The following TMEM131 variants were observed in gnomAD, a reference collection of about 807,000 sequenced individuals.
TMEM131 encodes the protein 2610524E03Rik.
TMEM131 carries 66 observed loss-of-function variants against 211.6 expected under a neutral mutation model. That is an observed-to-expected ratio of 0.31 (90% CI 0.26 to 0.38). TMEM131 has a LOEUF of 0.38. Ranked by LOEUF, TMEM131 falls within the 10% of genes least tolerant of loss-of-function variation. The probability of loss-of-function intolerance (pLI) is 1.00; values close to 1 mark genes in which losing one functional copy is unlikely to be tolerated. For missense variants in TMEM131, 2,036 were observed against 2,299.3 expected (o/e 0.89, Z 2.34); for synonymous variants, 844 against 841.3 (o/e 1.00, Z -0.06).
At chr2:97,888,159 C>A in intron 3 of TMEM131, 39 bp from the exon 4 acceptor site, 1 of 1,545,856 alleles carries the variant, frequency 6.5e-7, no homozygotes, top group South Asian at 1.2e-5. Context: ...AGCAATTCTT[C>A]AAAATATATG....
At chr2:97,886,750 C>A (rs13008503) in intron 4 of TMEM131, among the ~76,000 whole-genome samples, 3 of 152,032 alleles carry the variant, frequency 2.0e-5, no homozygotes, top group Admixed American at 6.6e-5. Context: ...AGCACAAGCA[C>A]GTGTTTAGTT....
In TMEM131 at chr2:97,895,154, T is replaced by C. The variant is rs375604357; in HGVS notation, c.291-7034A>G. Among the ~76,000 whole-genome samples the C allele has an allele frequency of 3.3e-4, 51 of 152,310 alleles. 1 individual carries two copies. The East Asian group carries it at 6.7e-3, about 20-fold the overall frequency. On this transcript the variant is annotated intron_variant, in intron 3 of 40. Transcript: ENST00000186436. The stretch of plus-strand genomic sequence containing the variant: ...CATGTGGTTTTTGTCGTTGGTTCTG[T>C]TTATGTGATGGATTACGTTTATTGA...
At chr2:97,885,777 T>C (rs1044419483) in intron 4 of TMEM131, among the ~76,000 whole-genome samples, 1 of 152,220 alleles carries the variant, frequency 6.6e-6, no homozygotes, top group Non-Finnish European at 1.5e-5. Flanking sequence ...CTGACTCTAA[T>C]TGGAATTCTT....
intron 35 of TMEM131, chr2:97,763,353 C>G (rs1678966710): frequency 6.5e-6 from 1 of 152,958 alleles, no homozygotes; most frequent in South Asian, 2.1e-4. Flanking sequence ...ATCCTCAGGG[C>G]TGCCTGCTAC....
intron 2 of TMEM131, among the ~76,000 whole-genome samples, chr2:97,921,398 C>A (rs1676734125): frequency 6.6e-6 from 1 of 152,104 alleles, no homozygotes; most frequent in South Asian, 2.1e-4. Context: ...CAGTAAAATT[C>A]TAGAATACGG....
chr2:97,858,771 A>G (rs1673947567), intron 5 of TMEM131, among the ~76,000 whole-genome samples: 1 of 152,232 alleles, frequency 6.6e-6, no homozygotes, highest in African/African-American at 2.4e-5. Context: ...CAGCAGCGAA[A>G]CAAGGGTTTC....
intron 5 of TMEM131, among the ~76,000 whole-genome samples, chr2:97,850,661 G>C (rs1396244886): frequency 6.6e-6 from 1 of 151,236 alleles, no homozygotes; most frequent in Non-Finnish European, 1.5e-5. Context: ...AAAGTTGAAA[G>C]AAAAAAAACA....
Position 97,757,275 on chromosome 2 carries a change from G to A in TMEM131, c.5476C>T (p.Leu1826=), listed in dbSNP as rs772028723. The A allele has an allele frequency of 4.3e-6, 7 of 1,613,958 alleles. No homozygotes were observed. The East Asian group carries it at 1.6e-4, about 36-fold the overall frequency. Reference sequence around the variant, plus strand: ...GTGCCCATGAGGCCGATGCTTGCCAGCGTGTTTGCTGGAGTGGTGAAGGGA... The same window carrying A: ...GTGCCCATGAGGCCGATGCTTGCCAACGTGTTTGCTGGAGTGGTGAAGGGA... The part of the protein sequence containing the change: ...ALPFTTPANT[L]ASIGLMGTEN... The change falls in exon 41 of 41, where the codon CTG becomes TTG. Residue 1826 remains leucine (L), a synonymous_variant. Coordinates refer to ENST00000186436, the MANE Select transcript of TMEM131 (RefSeq NM_015348.2).
intron 8 of TMEM131, 99 bp from the exon 9 acceptor site, chr2:97,835,024 T>A: frequency 1.6e-6 from 2 of 1,212,984 alleles, no homozygotes; most frequent in Non-Finnish European, 2.3e-6. Context: ...AGATGAGTAT[T>A]CTATATACCT....
intron 31 of TMEM131, among the ~76,000 whole-genome samples, chr2:97,789,360 G>A (rs1463743371): frequency 1.3e-5 from 2 of 152,212 alleles, no homozygotes; most frequent in African/African-American, 4.8e-5. Flanking sequence ...TGCTTCTGCT[G>A]GGATGCTCCA....
intron 1 of TMEM131, among the ~76,000 whole-genome samples, chr2:97,969,142 C>T (rs1015534263): frequency 2.0e-4 from 31 of 151,570 alleles, no homozygotes; most frequent in African/African-American, 6.3e-4. Flanking sequence ...ATTCAGCTGA[C>T]AAACTAACTC....
chr2:97,808,290 G>A (rs1681402098), intron 19 of TMEM131, among the ~76,000 whole-genome samples: 2 of 152,298 alleles, frequency 1.3e-5, no homozygotes, highest in South Asian at 2.1e-4. Context: ...GGTTAGGGAT[G>A]CTCAACTTGC....
At chr2:97,955,656 A>G (rs1418687291) in intron 1 of TMEM131, among the ~76,000 whole-genome samples, 1 of 152,196 alleles carries the variant, frequency 6.6e-6, no homozygotes, top group Non-Finnish European at 1.5e-5. Context: ...CTAACAATGA[A>G]CATATGGAAA....
intron 32 of TMEM131, among the ~76,000 whole-genome samples, chr2:97,773,621 A>G (rs1029321434): frequency 6.6e-6 from 1 of 151,648 alleles, no homozygotes; most frequent in African/African-American, 2.4e-5. Context: ...TGTCTCCCCA[A>G]CAGGGTACAC....
chr2:97,914,549 C>A (rs919728155), intron 2 of TMEM131, among the ~76,000 whole-genome samples: 2 of 152,196 alleles, frequency 1.3e-5, no homozygotes, highest in Non-Finnish European at 2.9e-5. Flanking sequence ...GCCCTTCCCC[C>A]CAAGCCCTGG....
At chr2:97,830,922 A>C (rs1682651527) in intron 11 of TMEM131, among the ~76,000 whole-genome samples, 1 of 152,220 alleles carries the variant, frequency 6.6e-6, no homozygotes, top group Non-Finnish European at 1.5e-5. Context: ...AAATCCTGAA[A>C]ATTCTATGTT....
chr2:97,907,511 A>G (rs1676123075), intron 3 of TMEM131, among the ~76,000 whole-genome samples: 1 of 152,162 alleles, frequency 6.6e-6, no homozygotes, highest in African/African-American at 2.4e-5. Flanking sequence ...TACTTTAAAC[A>G]TGAAGGCCTA....
intron 1 of TMEM131, among the ~76,000 whole-genome samples, chr2:97,967,175 A>G (rs1209388610): frequency 1.3e-5 from 2 of 152,200 alleles, no homozygotes; most frequent in Admixed American, 6.6e-5. Context: ...CTCTAATTTC[A>G]TAAGCTGACT....
At chr2:97,983,609 C>T (rs1157631401) in intron 1 of TMEM131, among the ~76,000 whole-genome samples, 1 of 152,164 alleles carries the variant, frequency 6.6e-6, no homozygotes, top group African/African-American at 2.4e-5. Context: ...AAGCAGCTGA[C>T]CAATGGTTAC....
Sources: gnomAD v4.1 joint callset for allele counts (sites outside exome capture counted in the v4.1 genomes callset) on GRCh38, gnomAD v4.1.1 for gene constraint, MANE v1.5 for transcripts, NCBI Gene and HGNC (gene_info 2026-07-23, HGNC 2026-07-21) for gene names.